Variants in CPB1 observed in about 807,000 individuals in gnomAD.
CPB1 encodes the protein carboxypeptidase B.
A neutral mutation model predicts 51.4 loss-of-function variants in CPB1; 53 were observed. The observed-to-expected ratio is 1.03, with a 90% CI of 0.83 to 1.30. The LOEUF is 1.30. CPB1 is among the 50% of genes most tolerant of loss of function. CPB1 has a pLI of 0.00. For missense variants in CPB1, 494 were observed against 516.2 expected (o/e 0.96, Z 0.42); for synonymous variants, 189 against 186.9 (o/e 1.01, Z -0.09).
Position 148,845,438 on chromosome 3 carries a change from C to T in CPB1, c.793C>T (p.Arg265Ter), listed in dbSNP as rs773201206. 5.0e-6 allele frequency: 8 copies of T among 1,613,820 alleles called. No individual in the cohort carries two copies. Among genetic ancestry groups the T allele is most frequent in the South Asian group, 4.4e-5 (4 of 91,060 alleles). The change falls in exon 9 of 11, where the codon CGA (arginine) becomes TGA (stop). Residue 265 changes from arginine (R) to a stop codon, truncating the protein, a stop_gained. Transcript: ENST00000282957. LOFTEE classifies it high-confidence loss of function. ...DAGWCEIGASRNPCDETYCGP... is the reference protein window; with the variant it reads ...DAGWCEIGAS The stretch of plus-strand genomic sequence containing the variant: ...TGTTTTTCCAGAAATTGGAGCCTCT[C>T]GAAACCCCTGTGATGAAACTTACTG...
intron 2 of CPB1, among the ~76,000 whole-genome samples, chr3:148,833,664 C>T (rs1712805182): frequency 6.6e-6 from 1 of 151,976 alleles, no homozygotes; most frequent in South Asian, 2.1e-4. Flanking sequence ...GAATAACAGA[C>T]ACCTACAAGA....
intron 9 of CPB1, 84 bp downstream of exon 9, chr3:148,845,710 A>C (rs2108017052): frequency 9.4e-7 from 1 of 1,068,740 alleles, no homozygotes; most frequent in Non-Finnish European, 1.4e-6. Flanking sequence ...TTATAAGAAC[A>C]CTTTCTGGAA....
chr3:148,837,487 A>G (rs1199717610), intron 3 of CPB1, among the ~76,000 whole-genome samples: 1 of 151,766 alleles, frequency 6.6e-6, no homozygotes, highest in Non-Finnish European at 1.5e-5. Flanking sequence ...TTAGAAAAAA[A>G]AAAAAAAAAA....
chr3:148,844,576 C>T lies in CPB1; in HGVS notation c.675C>T (p.Tyr225=). The T allele has an allele frequency of 2.5e-6, 4 of 1,613,590 alleles. No homozygotes were observed. The highest frequency in any genetic ancestry group is 3.4e-6 in the Non-Finnish European group (4 of 1,179,568). The change falls in exon 7 of 11, where the codon TAC becomes TAT. Residue 225 remains tyrosine (Y), a synonymous_variant. Coordinates refer to ENST00000282957, the MANE Select transcript of CPB1 (RefSeq NM_001871.3). ...LPVLNIDGYI[Y]TWTKSRFWRK... is the part of the protein sequence containing the mutation. ...TGCTCAATATTGATGGCTACATCTA[C>T]ACCTGGACCAAGGTATATGCACCAA...
At chr3:148,857,062 G>GTTTTTTTTTTTTTTTTTTT (rs35574359) in intron 9 of CPB1, 1 of 48,178 alleles carries the variant, frequency 2.1e-5, no homozygotes, top group African/African-American at 9.8e-5. Flanking sequence ...ATTGCCAAGT[G>GTTTTTTTTTTTTTTTTTTT]TTTTTTTTTT....
At chr3:148,836,824 T>C (rs575616644) in intron 3 of CPB1, among the ~76,000 whole-genome samples, 1 of 152,304 alleles carries the variant, frequency 6.6e-6, no homozygotes, top group South Asian at 2.1e-4. Flanking sequence ...TTACCTCATA[T>C]GGTAACTAGT....
chr3:148,857,794 G>C (rs1268917103), intron 10 of CPB1, among the ~76,000 whole-genome samples: 1 of 152,060 alleles, frequency 6.6e-6, no homozygotes, highest in Non-Finnish European at 1.5e-5. Context: ...AGCTACTCAG[G>C]AGGCTGAAGC....
chr3:148,832,665 G>T (rs1261614794), intron 2 of CPB1, among the ~76,000 whole-genome samples: 2 of 152,236 alleles, frequency 1.3e-5, no homozygotes, highest in African/African-American at 2.4e-5. Flanking sequence ...AGAGGTGAAG[G>T]AGTTGGAGTA....
intron 2 of CPB1, among the ~76,000 whole-genome samples, chr3:148,829,337 A>G (rs1712662200): frequency 6.6e-6 from 1 of 152,192 alleles, no homozygotes; most frequent in Non-Finnish European, 1.5e-5. Flanking sequence ...TGTATACTAC[A>G]GGGCCATTGC....
At position 148,844,581 on chromosome 3, in the gene CPB1, G is replaced by A. The variant is rs1464821075; in HGVS notation, c.680G>A (p.Trp227Ter). Residue 227 changes from tryptophan to a stop codon, truncating the protein, a stop_gained, in exon 7 of 11, where the codon TGG becomes TAG. Transcript: ENST00000282957. LOFTEE classifies it high-confidence loss of function. ...VLNIDGYIYT[W>*]TKSRFWRKTR... The stretch of plus-strand genomic sequence containing the variant: ...AATATTGATGGCTACATCTACACCT[G>A]GACCAAGGTATATGCACCAATACTG... The A allele has an allele frequency of 5.0e-6, 8 of 1,613,286 alleles. No individual in the cohort carries two copies. Among genetic ancestry groups the A allele is most frequent in the Middle Eastern group, 1.6e-4 (1 of 6,080 alleles).
intron 6 of CPB1, 149 bp downstream of exon 6, chr3:148,842,073 G>A (rs1433836306): frequency 4.7e-6 from 3 of 632,686 alleles, no homozygotes; most frequent in African/African-American, 3.7e-5. Flanking sequence ...TCCACCAACA[G>A]ACCTTTATAA....
intron 3 of CPB1, among the ~76,000 whole-genome samples, chr3:148,836,431 G>A (rs1712903340): frequency 1.3e-5 from 2 of 152,068 alleles, no homozygotes; most frequent in Admixed American, 1.3e-4. Context: ...GAGTTTCTTT[G>A]TAATTCTTTA....
rs534527343 is a variant in CPB1, at chr3:148,857,409, G to A, written c.982-48G>A. Reference sequence around the variant, plus strand: ...AAATAATGTACAGGGCATTTGTTTGGCAGTGTGCTTTTATTTATTTCCTTA... The same window carrying A: ...AAATAATGTACAGGGCATTTGTTTGACAGTGTGCTTTTATTTATTTCCTTA... On this transcript the variant is annotated intron_variant, in intron 9 of 10. Transcript: ENST00000282957. The A allele has an allele frequency of 4.3e-6, 6 of 1,394,082 alleles. No homozygotes were observed. The East Asian group carries it at 1.4e-4, about 32-fold the overall frequency. The allele number at this position is 1,394,082 out of a possible 1,614,324, so 86.4% of individuals were successfully genotyped here.
intron 4 of CPB1, 34 bp from the exon 5 acceptor site, chr3:148,840,840 G>T: frequency 6.2e-7 from 1 of 1,613,412 alleles, no homozygotes; most frequent in Non-Finnish European, 8.5e-7. Context: ...AACCAAGAAT[G>T]CCACATTGAT....
chr3:148,836,440 T>C (rs1712903506), intron 3 of CPB1, among the ~76,000 whole-genome samples: 1 of 152,226 alleles, frequency 6.6e-6, no homozygotes, highest in South Asian at 2.1e-4. Context: ...TGTAATTCTT[T>C]AAGAAAAACA....
chr3:148,853,500 ACTCT>A (rs890581089), intron 9 of CPB1, among the ~76,000 whole-genome samples: 30 of 152,086 alleles, frequency 2.0e-4, no homozygotes, highest in Admixed American at 1.8e-3. Flanking sequence ...GACATTTTAG[ACTCT>A]CTCTGTCTTT....
At chr3:148,839,792 A>T (rs927353081) in intron 3 of CPB1, among the ~76,000 whole-genome samples, 1 of 152,170 alleles carries the variant, frequency 6.6e-6, no homozygotes, top group Non-Finnish European at 1.5e-5. Context: ...TCAAGGTTTA[A>T]CTGTGGATAA....
chr3:148,843,256 G>A (rs1713141356), intron 6 of CPB1, among the ~76,000 whole-genome samples: 1 of 152,138 alleles, frequency 6.6e-6, no homozygotes, highest in Non-Finnish European at 1.5e-5. Context: ...GTGTAAGATG[G>A]TAACATTCAG....
chr3:148,840,619 T>A, intron 3 of CPB1, 67 bp from the exon 4 acceptor site: 2 of 1,369,802 alleles, frequency 1.5e-6, no homozygotes, highest in African/African-American at 1.4e-5. Context: ...GCTCTGGGGT[T>A]TTATGTGTGT....
Sources: allele counts gnomAD v4.1 joint callset (sites outside exome capture counted in the v4.1 genomes callset), GRCh38; gene constraint gnomAD v4.1.1; transcripts MANE v1.5; gene names NCBI Gene and HGNC (gene_info 2026-07-23, HGNC 2026-07-21).